The following DPP10 variants were observed in gnomAD, a reference collection of about 807,000 sequenced individuals.
The protein encoded by DPP10 is inactive dipeptidyl peptidase 10.
Under a neutral mutation model 120.9 loss-of-function variants are expected in DPP10, and 33 were observed. The observed-to-expected ratio is 0.27, with a 90% CI of 0.21 to 0.37. The LOEUF is 0.37. Among genes scored for constraint, DPP10 ranks in the 10% least tolerant of loss-of-function variants. The probability of loss-of-function intolerance (pLI) is 1.00; values close to 1 mark genes in which losing one functional copy is unlikely to be tolerated. For missense variants in DPP10, 816 were observed against 942.8 expected (o/e 0.87, Z 1.76); for synonymous variants, 337 against 326.1 (o/e 1.03, Z -0.36).
intron 3 of DPP10, among the ~76,000 whole-genome samples, chr2:115,491,714 G>T (rs184826570): frequency 1.6e-4 from 25 of 152,230 alleles, no homozygotes; most frequent in African/African-American, 5.3e-4. Flanking sequence ...TTATGGTCAT[G>T]CTGACCTTAG....
At chr2:115,236,977 A>G (rs978759055) in intron 1 of DPP10, among the ~76,000 whole-genome samples, 6 of 152,196 alleles carry the variant, frequency 3.9e-5, no homozygotes, top group Non-Finnish European at 7.3e-5. Flanking sequence ...ACAATGTTGA[A>G]AATCAGTGAT....
chr2:114,889,169 T>C (rs1206868302), intron 1 of DPP10, among the ~76,000 whole-genome samples: 2 of 152,198 alleles, frequency 1.3e-5, no homozygotes, highest in Admixed American at 6.5e-5. Flanking sequence ...CTAGGACTTC[T>C]AGCCTCCAGA....
At chr2:114,794,529 G>A (rs142442352) in intron 1 of DPP10, among the ~76,000 whole-genome samples, 49 of 152,334 alleles carry the variant, frequency 3.2e-4, no homozygotes, top group African/African-American at 1.0e-3. Context: ...TGGGGGTGAC[G>A]TTCTGGCAAG....
chr2:114,930,649 C>T (rs1695999997), intron 1 of DPP10, among the ~76,000 whole-genome samples: 2 of 152,114 alleles, frequency 1.3e-5, no homozygotes, highest in African/African-American at 4.8e-5. Context: ...TAAAGGAATA[C>T]CTGAGGCTGG....
At chr2:115,287,890 T>C (rs2060468940) in intron 1 of DPP10, among the ~76,000 whole-genome samples, 1 of 152,148 alleles carries the variant, frequency 6.6e-6, no homozygotes, top group South Asian at 2.1e-4. Flanking sequence ...AAGGAAATGG[T>C]ATTTCCATTT....
intron 1 of DPP10, among the ~76,000 whole-genome samples, chr2:114,981,390 C>A (rs569051760): frequency 4.3e-4 from 65 of 151,494 alleles, no homozygotes; most frequent in African/African-American, 1.6e-3. Flanking sequence ...GAAAAAAAAG[C>A]AAGTTGAAAA....
intron 1 of DPP10, among the ~76,000 whole-genome samples, chr2:115,186,017 G>T (rs1295441012): frequency 6.6e-6 from 1 of 152,160 alleles, no homozygotes; most frequent in Non-Finnish European, 1.5e-5. Context: ...ACCCCACATT[G>T]TTGTGTTAGA....
At chr2:114,663,668 T>TATATATATATATATAGAGAGAGAG in intron 1 of DPP10, among the ~76,000 whole-genome samples, 8 of 80,708 alleles carry the variant, frequency 9.9e-5, no homozygotes, top group African/African-American at 7.5e-4. Context: ...TATATATATA[T>TATATATATATATATAGAGAGAGAG]AGAGAGAGAG....
At chr2:115,406,361 A>AT (rs1300453292) in intron 3 of DPP10, among the ~76,000 whole-genome samples, 1 of 152,156 alleles carries the variant, frequency 6.6e-6, no homozygotes, top group East Asian at 1.9e-4. Context: ...AGTTTTAAAC[A>AT]TTTTTTTAGT....
chr2:115,708,869 A>T (rs898508927), intron 7 of DPP10, among the ~76,000 whole-genome samples: 2 of 152,138 alleles, frequency 1.3e-5, no homozygotes, highest in Non-Finnish European at 2.9e-5. Flanking sequence ...CCTGGATATG[A>T]TGAAGAATGT....
At chr2:114,744,134 C>T (rs546264494) in intron 1 of DPP10, among the ~76,000 whole-genome samples, 3 of 152,128 alleles carry the variant, frequency 2.0e-5, no homozygotes, top group South Asian at 2.1e-4. Context: ...GTTCCTGATT[C>T]GGTTGAGTAG....
intron 21 of DPP10, among the ~76,000 whole-genome samples, chr2:115,820,302 C>G (rs910623123): frequency 3.3e-5 from 5 of 151,838 alleles, no homozygotes; most frequent in African/African-American, 7.3e-5. Flanking sequence ...ATTGTTTTAT[C>G]TTTATCAATT....
chr2:115,814,456 CAACT>C (rs1407992952), intron 19 of DPP10, among the ~76,000 whole-genome samples: 1 of 152,062 alleles, frequency 6.6e-6, no homozygotes, highest in Non-Finnish European at 1.5e-5. Flanking sequence ...ACTTGTCTAC[CAACT>C]TGACAGTCAT....
chr2:115,113,802 T>C (rs537656999), intron 1 of DPP10, among the ~76,000 whole-genome samples: 1 of 152,330 alleles, frequency 6.6e-6, no homozygotes, highest in Non-Finnish European at 1.5e-5. Flanking sequence ...TATCAAGAAC[T>C]TGTGCAACCC....
intron 5 of DPP10, among the ~76,000 whole-genome samples, chr2:115,566,045 C>A (rs2080991369): frequency 6.6e-6 from 1 of 151,894 alleles, no homozygotes; most frequent in African/African-American, 2.4e-5. Flanking sequence ...CCTCGGCCTC[C>A]CAAAGTGCTG....
chr2:114,941,979 A>G (rs1696935989), intron 1 of DPP10, among the ~76,000 whole-genome samples: 1 of 152,072 alleles, frequency 6.6e-6, no homozygotes, highest in East Asian at 1.9e-4. Context: ...CAGATCAAAA[A>G]GTATGATATG....
chr2:114,686,438 T>C (rs1003050764), intron 1 of DPP10, among the ~76,000 whole-genome samples: 1 of 151,962 alleles, frequency 6.6e-6, no homozygotes, highest in East Asian at 1.9e-4. Context: ...AAGAAAAGAA[T>C]GGCAAAACCA....
chr2:115,350,070 T>A (rs983541388), intron 3 of DPP10, among the ~76,000 whole-genome samples: 2 of 152,116 alleles, frequency 1.3e-5, no homozygotes, highest in African/African-American at 2.4e-5. Context: ...ACATAATTTA[T>A]AAAGATAAAA....
chr2:115,779,912 CA>C (rs1317793481), intron 15 of DPP10, among the ~76,000 whole-genome samples: 1 of 151,914 alleles, frequency 6.6e-6, no homozygotes. Flanking sequence ...CACAGTGTTT[CA>C]AATATGGAAT....
Sources: gnomAD v4.1 joint callset for allele counts (sites outside exome capture counted in the v4.1 genomes callset) on GRCh38, gnomAD v4.1.1 for gene constraint, MANE v1.5 for transcripts, NCBI Gene and HGNC (gene_info 2026-07-23, HGNC 2026-07-21) for gene names.